The following OR8B2 variants were observed in gnomAD, a reference collection of about 807,000 sequenced individuals.
OR8B2 encodes the protein olfactory receptor family 8 subfamily B member 2.
For missense variants in OR8B2, 304 were observed against 379.6 expected (o/e 0.80, Z 1.65); for synonymous variants, 98 against 138.2 (o/e 0.71, Z 2.04).
chr11:124,390,440 C>T, the OR8B2 span, among the ~76,000 whole-genome samples: 1 of 152,140 alleles, frequency 6.6e-6, no homozygotes, highest in Non-Finnish European at 1.5e-5. Context: ...AATACACTAG[C>T]ACCAATGATA....
upstream of OR8B2, among the ~76,000 whole-genome samples, chr11:124,388,877 A>G (rs1363259890): frequency 6.4e-5 from 9 of 139,648 alleles, 1 homozygote; most frequent in Non-Finnish European, 1.4e-4. Context: ...TCCAGGCTGG[A>G]GTGCAGTGGA....
rs1289486269 is a variant in OR8B2, at chr11:124,382,794, G to T, written c.550C>A (p.Leu184Ile). The change falls in exon 2 of 2, where the codon CTC becomes ATC. Residue 184 changes from leucine to isoleucine, a missense_variant. Transcript: ENST00000641451. ...INHYLCDILP[L>I]LQLSCTSTYV... ...GTGCTGGTGCAGGAAAGCTGGAGGA[G>T]GGGGAGTATGTCACACAAGTAATGG... 1 of 1,603,860 alleles carries T rather than the reference G, an allele frequency of 6.2e-7. No homozygotes were observed. The highest frequency in any genetic ancestry group is 2.2e-5 in the East Asian group (1 of 44,834).
the OR8B2 span, among the ~76,000 whole-genome samples, chr11:124,394,826 G>T: frequency 9.2e-5 from 14 of 152,176 alleles, no homozygotes; most frequent in Admixed American, 3.9e-4. Context: ...CCCCAAATTT[G>T]TTCAGATATA....
the OR8B2 span, among the ~76,000 whole-genome samples, chr11:124,391,742 A>G: frequency 1.3e-5 from 2 of 152,010 alleles, no homozygotes; most frequent in African/African-American, 4.8e-5. Context: ...AAAAGAGGGA[A>G]TCCTCCCTAA....
the OR8B2 span, among the ~76,000 whole-genome samples, chr11:124,393,709 G>T: frequency 8.5e-5 from 13 of 152,220 alleles, no homozygotes; most frequent in East Asian, 2.3e-3. Flanking sequence ...ATTCTTCAGG[G>T]ATCTAGAACT....
rs1285469248 is a variant in OR8B2, at chr11:124,382,411, A to C, written c.933T>G (p.Asn311Lys). ...TCATTACTGCTTCTAATTAGAATAT[A>C]TTTCTCCTCTGAATTTTAATCAGAG... ...RKALIKIQRR[N>K]IF Residue 311 changes from asparagine to lysine, a missense_variant, in exon 2 of 2, where the codon AAT becomes AAG. Coordinates refer to ENST00000641451, the MANE Select transcript of OR8B2 (RefSeq NM_001005468.2). 6.2e-7 allele frequency: 1 copy of C among 1,602,422 alleles called. No homozygotes were observed. Among genetic ancestry groups the C allele is most frequent in the South Asian group, 1.1e-5 (1 of 87,866 alleles).
the OR8B2 span, among the ~76,000 whole-genome samples, chr11:124,390,795 G>C: frequency 2.6e-3 from 391 of 151,216 alleles, 8 homozygotes; most frequent in East Asian, 0.05. Flanking sequence ...GTGCTTTATA[G>C]AATAATGCTA....
chr11:124,397,226 G>T, the OR8B2 span: 10 of 1,608,554 alleles, frequency 6.2e-6, no homozygotes, highest in Admixed American at 5.0e-5. Context: ...TCAAGCCAAG[G>T]TTGCCTACCA....
chr11:124,391,055 GCT>G, the OR8B2 span, among the ~76,000 whole-genome samples: 1 of 152,114 alleles, frequency 6.6e-6, no homozygotes, highest in Non-Finnish European at 1.5e-5. Context: ...CGTGAGTGAG[GCT>G]CTGTTTCTGA....
upstream of OR8B2, among the ~76,000 whole-genome samples, chr11:124,389,397 A>C (rs1261345877): frequency 6.6e-6 from 1 of 152,176 alleles, no homozygotes; most frequent in Non-Finnish European, 1.5e-5. Context: ...CATTTAAGTG[A>C]TAGGAATAAG....
In OR8B2 at chr11:124,383,231, G is replaced by T. The variant is rs780733725; in HGVS notation, c.113C>A (p.Thr38Asn). The T allele has an allele frequency of 1.1e-5, 18 of 1,613,852 alleles. No homozygotes were observed. In the African/African-American group the frequency reaches 2.0e-4, roughly 18 times the overall value. ...FFLFLVIYIV[T>N]MVGNLGLITL... ...GATCAAGCCAAGGTTGCCTACCATG[G>T]TGACAATGTAGATCACTAGAAACAG... Residue 38 changes from threonine (T) to asparagine (N), a missense_variant, in exon 2 of 2, where the codon ACC becomes AAC. By Grantham distance (65) the Thr-to-Asn change is moderately conservative. Coordinates refer to ENST00000641451, the MANE Select transcript of OR8B2 (RefSeq NM_001005468.2).
At chr11:124,387,323 A>G (rs1184667067), upstream of OR8B2, among the ~76,000 whole-genome samples, 2 of 152,218 alleles carry the variant, frequency 1.3e-5, no homozygotes, top group African/African-American at 4.8e-5. Context: ...TTAGACATGA[A>G]GTCCTTGCCC....
At chr11:124,386,436 C>T (rs554997123), upstream of OR8B2, among the ~76,000 whole-genome samples, 2,892 of 124,446 alleles carry the variant, frequency 0.023, 140 homozygotes, top group African/African-American at 0.086. Context: ...GTCCCCAGAG[C>T]GTGATGTTCC....
At chr11:124,389,025 C>T (rs1029532514), upstream of OR8B2, among the ~76,000 whole-genome samples, 3 of 151,850 alleles carry the variant, frequency 2.0e-5, no homozygotes, top group Admixed American at 6.6e-5. Flanking sequence ...GGGGTTTCAC[C>T]GTGTTGGACA....
At chr11:124,392,318 A>G in the OR8B2 span, among the ~76,000 whole-genome samples, 1 of 127,366 alleles carries the variant, frequency 7.9e-6, no homozygotes, top group Non-Finnish European at 1.6e-5. Flanking sequence ...AGAGGAAGTC[A>G]AATTGTCCCT....
rs146575443 is a variant in OR8B2 at position 124,382,720 on chromosome 11, C to T, written c.624G>A (p.Thr208=). ...AAATGAGGATGGTACAACTGGGTAC[C>T]GTGATATTAGTACCCACAACAATGA... ...VVLIVVGTNI[T]VPSCTILISY... is the part of the protein sequence containing the mutation. The change falls in exon 2 of 2, where the codon ACG becomes ACA. Residue 208 remains threonine (T), a synonymous_variant. Transcript: ENST00000641451. The T allele has an allele frequency of 4.3e-6, 7 of 1,613,802 alleles. No homozygotes were observed. Among genetic ancestry groups the T allele is most frequent in the East Asian group, 2.2e-5 (1 of 44,870 alleles).
chr11:124,385,633 CTTT>C (rs10552688), upstream of OR8B2, among the ~76,000 whole-genome samples: 3,764 of 139,302 alleles, frequency 0.027, 127 homozygotes, highest in African/African-American at 0.072. Context: ...CTCTCTCTCT[CTTT>C]TTTTTTTTTT....
the OR8B2 span, among the ~76,000 whole-genome samples, chr11:124,394,260 A>AAAATAAAT: frequency 0.025 from 3,731 of 149,542 alleles, 154 homozygotes; most frequent in African/African-American, 0.086. Context: ...AATAATAATA[A>AAAATAAAT]AAATAAATAA....
the OR8B2 span, among the ~76,000 whole-genome samples, chr11:124,394,449 G>A: frequency 6.6e-6 from 1 of 152,084 alleles, no homozygotes; most frequent in Non-Finnish European, 1.5e-5. Flanking sequence ...CCAGGATGAA[G>A]GCCTCAGCCG....
Sources: allele counts gnomAD v4.1 joint callset (sites outside exome capture counted in the v4.1 genomes callset), GRCh38; gene constraint gnomAD v4.1.1; transcripts MANE v1.5; gene names NCBI Gene and HGNC (gene_info 2026-07-23, HGNC 2026-07-21).